The following PCM1 variants were observed in gnomAD, a reference collection of about 807,000 sequenced individuals.
PCM1 encodes the protein pericentriolar material 1, also known as pericentriolar material 1 protein.
In PCM1, 157 loss-of-function variants were observed where a neutral mutation model predicts 241.9. That is an observed-to-expected ratio of 0.65 (90% CI 0.57 to 0.74). The LOEUF is 0.74. PCM1 is among the 30% of genes least tolerant of loss of function. The pLI is 0.00. For synonymous variants in PCM1, 1,085 were observed against 784.9 expected, an observed-to-expected ratio of 1.38 and a Z score of -6.39; for missense variants, 3,478 against 2,360.1, an observed-to-expected ratio of 1.47 and a Z score of -9.81.
intron 22 of PCM1, among the ~76,000 whole-genome samples, chr8:17,971,929 G>A (rs974360239): frequency 6.6e-6 from 1 of 151,920 alleles, no homozygotes; most frequent in Non-Finnish European, 1.5e-5. Context: ...ATTTTTTTTA[G>A]AGACGGGGTC....
intron 17 of PCM1, 86 bp downstream of exon 17, chr8:17,963,377 C>A: frequency 1.1e-6 from 1 of 884,394 alleles, no homozygotes; most frequent in South Asian, 1.8e-5. Context: ...TTCTCCTCTA[C>A]ATCACAGCAC....
rs370125071 is a variant in PCM1 at position 17,956,654 on chromosome 8, A to G, written c.1523A>G (p.His508Arg). The stretch of plus-strand genomic sequence containing the variant: ...TTGAATGAGCTAAGAGAATTAGTTC[A>G]TTATTATGAACAAACGTCAGACATG... ...KRLNELRELV[H>R]YYEQTSDMMT... The change falls in exon 11 of 39, where the codon CAT (histidine) becomes CGT (arginine). Residue 508 changes from histidine to arginine, a missense_variant. Coordinates refer to ENST00000325083, the MANE Select transcript of PCM1 (RefSeq NM_006197.4). 12 of 1,603,046 alleles carry G rather than the reference A, an allele frequency of 7.5e-6. No individual in the cohort carries two copies. The African/African-American group carries it at 1.6e-4, about 21-fold the overall frequency.
At chr8:17,991,470 T>A in intron 27 of PCM1, 72 bp from the exon 28 acceptor site, 1 of 1,285,660 alleles carries the variant, frequency 7.8e-7, no homozygotes, top group East Asian at 2.5e-5. Flanking sequence ...ATTTTTTTAT[T>A]AATGCATTTT....
At chr8:17,934,543 G>C (rs1023743954) in intron 2 of PCM1, among the ~76,000 whole-genome samples, 2 of 152,202 alleles carry the variant, frequency 1.3e-5, no homozygotes. Flanking sequence ...TTACAGGCGT[G>C]AGCCACTGCA....
chr8:17,934,893 G>A (rs1207272788), intron 2 of PCM1: 1 of 152,146 alleles, frequency 6.6e-6, no homozygotes, highest in Non-Finnish European at 1.5e-5. Flanking sequence ...ATTTTCACAT[G>A]TACAAGCAAA....
intron 26 of PCM1, among the ~76,000 whole-genome samples, chr8:17,987,465 C>T (rs551280051): frequency 4.0e-5 from 6 of 151,796 alleles, no homozygotes; most frequent in South Asian, 2.1e-4. Context: ...TTTGCACCAT[C>T]GATAGCACAT....
chr8:17,991,065 A>G (rs1185883230), intron 27 of PCM1, among the ~76,000 whole-genome samples: 1 of 151,102 alleles, frequency 6.6e-6, no homozygotes, highest in East Asian at 2.0e-4. Flanking sequence ...TTTTTCTTAC[A>G]AACCTGCACC....
At chr8:17,981,136 C>T (rs1389029076) in intron 24 of PCM1, among the ~76,000 whole-genome samples, 1 of 152,156 alleles carries the variant, frequency 6.6e-6, no homozygotes, top group Non-Finnish European at 1.5e-5. Flanking sequence ...ACATGGCCAT[C>T]AGGGATTTGG....
At chr8:18,010,723 C>A in intron 32 of PCM1, 55 bp downstream of exon 32, 2 of 1,311,764 alleles carry the variant, frequency 1.5e-6, no homozygotes, top group Non-Finnish European at 2.1e-6. Flanking sequence ...TGGCTCACCC[C>A]CGTAATCGCA....
intron 8 of PCM1, among the ~76,000 whole-genome samples, 152 bp downstream of exon 8, chr8:17,950,876 C>T (rs1260317848): frequency 2.0e-5 from 3 of 152,226 alleles, no homozygotes; most frequent in Non-Finnish European, 4.4e-5. Context: ...TTCAAAATTA[C>T]GATTCATGGA....
chr8:17,966,232 T>C lies in PCM1; in HGVS notation c.3075+14T>C. 1 of 1,610,744 alleles carries C rather than the reference T, an allele frequency of 6.2e-7. No homozygotes were observed. Among genetic ancestry groups the C allele is most frequent in the East Asian group, 2.2e-5 (1 of 44,854 alleles). ...CAAGACCAGCAGGTAAAATTTGCTA[T>C]GAAAGTATATTTTTCGTCTATTTTT... On this transcript the variant is annotated intron_variant, in intron 19 of 38. Coordinates refer to ENST00000325083, the MANE Select transcript of PCM1 (RefSeq NM_006197.4).
chr8:18,001,995 CTTTTTTTTTTTTTTTTTTTTTTT>C (rs1166401113), intron 29 of PCM1, among the ~76,000 whole-genome samples: 8 of 23,404 alleles, frequency 3.4e-4, no homozygotes, highest in Admixed American at 7.6e-4. Flanking sequence ...TCTAACCTTT[CTTTTTTTTTTTTTTTTTTTTTTT>C]TTTTTTTTTT....
intron 15 of PCM1, among the ~76,000 whole-genome samples, chr8:17,960,883 A>T (rs931434594): frequency 6.6e-6 from 1 of 152,100 alleles, no homozygotes; most frequent in Non-Finnish European, 1.5e-5. Flanking sequence ...AAGTGGATGA[A>T]CTAATGAAGA....
In PCM1 at chr8:17,962,113, A is replaced by C. The variant is rs1220922506; in HGVS notation, c.2402A>C (p.His801Pro). Residue 801 changes from histidine to proline, a missense_variant, in exon 16 of 39, where the codon CAC becomes CCC. Physicochemically the swap from His to Pro is moderately conservative, Grantham distance 77. Transcript: ENST00000325083. Reference sequence around the variant, plus strand: ...ACTTCAACCCCAACTGTTAATCAACACGAGACCAGTACAAGCAAATCTGTT... The same window carrying C: ...ACTTCAACCCCAACTGTTAATCAACCCGAGACCAGTACAAGCAAATCTGTT... ...AVTSTPTVNQHETSTSKSVFE... is the reference protein window; with the variant it reads ...AVTSTPTVNQPETSTSKSVFE... 9 of 1,611,260 alleles carry C rather than the reference A, an allele frequency of 5.6e-6. No homozygotes were observed. The highest frequency in any genetic ancestry group is 7.6e-6 in the Non-Finnish European group (9 of 1,178,336).
intron 18 of PCM1, among the ~76,000 whole-genome samples, chr8:17,965,544 A>G (rs1471766966): frequency 6.6e-6 from 1 of 152,236 alleles, no homozygotes; most frequent in East Asian, 1.9e-4. Flanking sequence ...GAATTAAGCA[A>G]AAATAACAAA....
chr8:17,945,764 G>A (rs989787148), intron 6 of PCM1, among the ~76,000 whole-genome samples: 1 of 152,114 alleles, frequency 6.6e-6, no homozygotes, highest in African/African-American at 2.4e-5. Flanking sequence ...GGAATCAAAT[G>A]TACATAGCAA....
chr8:17,930,016 C>A (rs1242540782), intron 2 of PCM1, among the ~76,000 whole-genome samples: 1 of 151,980 alleles, frequency 6.6e-6, no homozygotes, highest in African/African-American at 2.4e-5. Context: ...GGACTATAGT[C>A]ACCAACTCCT....
At chr8:17,983,344 C>T in intron 24 of PCM1, 1 of 1,082,232 alleles carries the variant, frequency 9.2e-7, no homozygotes, top group East Asian at 4.5e-5. Flanking sequence ...TCCCATTGGT[C>T]CTAAAGGTTT....
chr8:17,964,511 G>C, intron 17 of PCM1, 57 bp from the exon 18 acceptor site: 1 of 1,277,164 alleles, frequency 7.8e-7, no homozygotes, highest in Non-Finnish European at 1.1e-6. Context: ...ATAGTAGGTG[G>C]CAGAGTATTT....
Sources: gnomAD v4.1 joint callset for allele counts (sites outside exome capture counted in the v4.1 genomes callset) on GRCh38, gnomAD v4.1.1 for gene constraint, MANE v1.5 for transcripts, NCBI Gene and HGNC (gene_info 2026-07-23, HGNC 2026-07-21) for gene names.